Variants in SLC25A48 observed in about 807,000 individuals in gnomAD.
SLC25A48 encodes the protein CTC-321K16.1.
SLC25A48 carries 29 observed loss-of-function variants against 32.2 expected under a neutral mutation model. That is an observed-to-expected ratio of 0.90 (90% CI 0.67 to 1.23). The LOEUF (loss-of-function observed/expected upper bound fraction) is 1.23. Ranked by LOEUF, SLC25A48 falls within the 50% of genes most tolerant of loss-of-function variation. The pLI is 0.00. For synonymous variants in SLC25A48, 164 were observed against 172.3 expected, an observed-to-expected ratio of 0.95 and a Z score of 0.38; for missense variants, 399 against 422.7, an observed-to-expected ratio of 0.94 and a Z score of 0.49.
Position 135,789,194 on chromosome 5 carries a change from A to C in SLC25A48, c.-520-23329A>C, listed in dbSNP as rs1043084042. 2.3e-5 allele frequency among the ~76,000 whole-genome samples: 2 copies of C among 88,780 alleles called. 1 individual carries two copies. The highest frequency in any genetic ancestry group is 6.5e-5 in the African/African-American group (2 of 30,744). 58.2% of individuals were successfully genotyped at this position (88,780 alleles called of 152,430 possible). ...TTAGTCCCCATGTTGCGGTGGGTGT[A>C]CACCCTCCCCCGCCACGATATGGTT... On this transcript the variant is annotated intron_variant, in intron 3 of 10. Transcript: ENST00000646290.
At chr5:135,871,921 G>T (rs1405103302) in intron 5 of SLC25A48, 1 of 1,463,054 alleles carries the variant, frequency 6.8e-7, no homozygotes, top group Non-Finnish European at 9.1e-7. Context: ...TATGAGAATG[G>T]CAGTTCCCAT....
chr5:135,734,172 C>T (rs1011817497), intron 3 of SLC25A48, among the ~76,000 whole-genome samples: 1 of 151,876 alleles, frequency 6.6e-6, no homozygotes, highest in Non-Finnish European at 1.5e-5. Context: ...GGCATGTGAT[C>T]GGTTGCCAGG....
At chr5:135,804,076 C>T (rs1206097260) in intron 3 of SLC25A48, among the ~76,000 whole-genome samples, 1 of 151,526 alleles carries the variant, frequency 6.6e-6, no homozygotes, top group Non-Finnish European at 1.5e-5. Context: ...GTCACATGAT[C>T]TCCACACATG....
At chr5:135,847,397 G>C (rs1278315417) in intron 2 of SLC25A48, among the ~76,000 whole-genome samples, 2 of 152,158 alleles carry the variant, frequency 1.3e-5, no homozygotes, top group Admixed American at 6.5e-5. Flanking sequence ...AAACGAGGGG[G>C]CCAGGTTCCT....
chr5:135,656,256 C>A (rs752879949), intron 3 of SLC25A48, among the ~76,000 whole-genome samples: 2 of 151,290 alleles, frequency 1.3e-5, no homozygotes, highest in Non-Finnish European at 2.9e-5. Context: ...TTCTCAGGAC[C>A]ACATTGGCCA....
chr5:135,586,639 G>C (rs1010890843), intron 1 of SLC25A48, among the ~76,000 whole-genome samples: 1 of 152,192 alleles, frequency 6.6e-6, no homozygotes, highest in African/African-American at 2.4e-5. Context: ...TGATAGGGAA[G>C]CAGGCATTGA....
At chr5:135,610,838 G>GA (rs1752046865) in intron 1 of SLC25A48, among the ~76,000 whole-genome samples, 2 of 152,190 alleles carry the variant, frequency 1.3e-5, no homozygotes, top group Admixed American at 1.3e-4. Flanking sequence ...TACTCATATA[G>GA]AAAATGCTTT....
intron 1 of SLC25A48, among the ~76,000 whole-genome samples, chr5:135,623,555 C>T (rs1014209817): frequency 6.6e-6 from 1 of 152,208 alleles, no homozygotes; most frequent in Non-Finnish European, 1.5e-5. Context: ...AACATGAAGG[C>T]TCCACCTGAC....
chr5:135,749,677 T>C (rs4504382), intron 3 of SLC25A48, among the ~76,000 whole-genome samples: 46,044 of 151,774 alleles, frequency 0.3, 7,144 homozygotes, highest in East Asian at 0.46. Flanking sequence ...CTGCAACCTC[T>C]GCCTCCCGGG....
chr5:135,636,822 A>G (rs551754203), intron 3 of SLC25A48, among the ~76,000 whole-genome samples: 9 of 152,150 alleles, frequency 5.9e-5, no homozygotes, highest in Non-Finnish European at 1.3e-4. Flanking sequence ...ATATTCACAC[A>G]CCAGAAAACA....
chr5:135,703,616 C>G (rs1483858202), intron 3 of SLC25A48, among the ~76,000 whole-genome samples: 1 of 152,200 alleles, frequency 6.6e-6, no homozygotes, highest in East Asian at 1.9e-4. Flanking sequence ...AGGAAACCTT[C>G]CTTGACTCTC....
chr5:135,884,542 G>C (rs1257492967), intron 7 of SLC25A48, among the ~76,000 whole-genome samples: 1 of 152,176 alleles, frequency 6.6e-6, no homozygotes, highest in East Asian at 1.9e-4. Flanking sequence ...AGGGACTCCA[G>C]TGGCATGTCA....
chr5:135,718,807 T>C (rs887818356), intron 3 of SLC25A48, among the ~76,000 whole-genome samples: 1 of 151,938 alleles, frequency 6.6e-6, no homozygotes, highest in Non-Finnish European at 1.5e-5. Context: ...GATGAAATCT[T>C]AGAGCACAGA....
At chr5:135,664,648 T>C (rs1753479022) in intron 3 of SLC25A48, among the ~76,000 whole-genome samples, 2 of 143,938 alleles carry the variant, frequency 1.4e-5, no homozygotes, top group African/African-American at 2.5e-5. Context: ...TACCCATAGC[T>C]TAGTTCTCAC....
At chr5:135,767,101 G>A (rs73789144) in intron 3 of SLC25A48, among the ~76,000 whole-genome samples, 6,453 of 142,428 alleles carry the variant, frequency 0.045, 276 homozygotes, top group African/African-American at 0.12. Context: ...TCCTAATAGC[G>A]CTGGGGGTGT....
intron 3 of SLC25A48, among the ~76,000 whole-genome samples, chr5:135,682,415 TAGGTAA>T (rs1278526821): frequency 3.3e-5 from 5 of 152,198 alleles, no homozygotes; most frequent in African/African-American, 1.2e-4. Flanking sequence ...GGCCAAGGAT[TAGGTAA>T]GATTGGTATA....
intron 3 of SLC25A48, among the ~76,000 whole-genome samples, chr5:135,758,884 T>G (rs2127015741): frequency 6.6e-6 from 1 of 150,792 alleles, no homozygotes; most frequent in Admixed American, 6.6e-5. Flanking sequence ...CATTATGATA[T>G]TAATAGAATA....
At chr5:135,853,727 A>G (rs1385619586) in intron 4 of SLC25A48, among the ~76,000 whole-genome samples, 1 of 151,802 alleles carries the variant, frequency 6.6e-6, no homozygotes, top group Admixed American at 6.6e-5. Context: ...CTACTTCCAA[A>G]CTCTTGTTAA....
At chr5:135,836,970 A>AC (rs764093952) in intron 1 of SLC25A48, among the ~76,000 whole-genome samples, 150 of 111,506 alleles carry the variant, frequency 1.3e-3, no homozygotes, top group Middle Eastern at 8.5e-3. Context: ...CCCCCCCCCC[A>AC]CCCCCCCCCC....
Sources: allele counts gnomAD v4.1 joint callset (sites outside exome capture counted in the v4.1 genomes callset), GRCh38; gene constraint gnomAD v4.1.1; transcripts MANE v1.5; gene names NCBI Gene and HGNC (gene_info 2026-07-23, HGNC 2026-07-21).